SPEF2: variants seen among roughly 807,000 people sequenced by gnomAD.
SPEF2 encodes sperm flagella and cilia-associated protein 2.
SPEF2 carries 187 observed loss-of-function variants against 224.6 expected under a neutral mutation model. The ratio of observed to expected loss-of-function variants is 0.83; its 90% CI spans 0.74 to 0.94. The LOEUF is 0.94. Ranked by LOEUF, SPEF2 falls within the 40% of genes least tolerant of loss-of-function variation. The pLI, the probability that SPEF2 is intolerant of heterozygous loss-of-function variation, is 0.00. For synonymous variants in SPEF2, 715 were observed against 707.3 expected (o/e 1.01, Z -0.17); for missense variants, 2,170 against 2,135.6 (o/e 1.02, Z -0.32).
rs754952559 is a variant in SPEF2 at position 35,797,334 on chromosome 5, G to C, written c.4830+1539G>C. Among the ~76,000 whole-genome samples, 280 of 150,386 alleles carry C rather than the reference G, an allele frequency of 1.9e-3. 3 individuals carry two copies. Among genetic ancestry groups the C allele is most frequent in the African/African-American group, 2.6e-3 (108 of 41,248 alleles). ...GGCTGACGGGTGTGTGTGTGTGTGT[G>C]TGTGTGTGTGTGTGTGTGTGTGTGT... On this transcript the variant is annotated intron_variant, in intron 33 of 36. Transcript: ENST00000356031.
chr5:35,783,508 C>G (rs1435719261), intron 30 of SPEF2, among the ~76,000 whole-genome samples: 1 of 152,050 alleles, frequency 6.6e-6, no homozygotes, highest in Non-Finnish European at 1.5e-5. Flanking sequence ...GCCATTGTGA[C>G]TTGATTATAT....
At chr5:35,704,222 C>T (rs942394201) in intron 16 of SPEF2, among the ~76,000 whole-genome samples, 2 of 122,484 alleles carry the variant, frequency 1.6e-5, no homozygotes, top group Non-Finnish European at 3.6e-5. Context: ...TTAATTTTTA[C>T]ATCACTGTGT....
intron 29 of SPEF2, among the ~76,000 whole-genome samples, chr5:35,777,662 T>TATAA (rs1753779588): frequency 8.8e-6 from 1 of 113,614 alleles, no homozygotes; most frequent in African/African-American, 3.5e-5. Context: ...AGAAATGTGA[T>TATAA]ACAAATAAAT....
intron 8 of SPEF2, among the ~76,000 whole-genome samples, chr5:35,666,786 T>G (rs373716375): frequency 6.6e-6 from 1 of 152,190 alleles, no homozygotes; most frequent in Admixed American, 6.6e-5. Context: ...TTTTGAAGGC[T>G]TAAGATCCAA....
At chr5:35,680,210 G>T (rs1752593247) in intron 10 of SPEF2, among the ~76,000 whole-genome samples, 3 of 152,046 alleles carry the variant, frequency 2.0e-5, no homozygotes, top group South Asian at 4.2e-4. Context: ...AATGCTTTTT[G>T]CTGACAACAA....
intron 10 of SPEF2, among the ~76,000 whole-genome samples, chr5:35,673,963 G>C (rs1005044362): frequency 4.6e-5 from 7 of 152,126 alleles, no homozygotes; most frequent in African/African-American, 1.7e-4. Context: ...GACTAAATGA[G>C]CCATGGAGTT....
chr5:35,623,574 C>T (rs931085418), intron 1 of SPEF2, among the ~76,000 whole-genome samples: 1 of 152,162 alleles, frequency 6.6e-6, no homozygotes, highest in Non-Finnish European at 1.5e-5. Flanking sequence ...ATTTATTTCA[C>T]TGGATGTGTC....
intron 29 of SPEF2, among the ~76,000 whole-genome samples, chr5:35,778,314 A>C (rs376435602): frequency 5.3e-5 from 8 of 152,348 alleles, no homozygotes; most frequent in African/African-American, 1.9e-4. Context: ...TACCCCCAGT[A>C]CAGTTTAAAT....
intron 10 of SPEF2, among the ~76,000 whole-genome samples, chr5:35,685,175 G>C (rs1753411066): frequency 6.6e-6 from 1 of 151,986 alleles, no homozygotes; most frequent in African/African-American, 2.4e-5. Context: ...GTATAGAAGT[G>C]GCAGTCAAAT....
At chr5:35,738,414 T>C (rs1422184876) in intron 21 of SPEF2, among the ~76,000 whole-genome samples, 1 of 151,582 alleles carries the variant, frequency 6.6e-6, no homozygotes, top group African/African-American at 2.4e-5. Context: ...AGGGATCCAG[T>C]TTCAGCTTTC....
intron 2 of SPEF2, among the ~76,000 whole-genome samples, chr5:35,639,248 C>T (rs1746263109): frequency 6.6e-6 from 1 of 152,106 alleles, no homozygotes; most frequent in Non-Finnish European, 1.5e-5. Flanking sequence ...CGAGTCATTG[C>T]ATTCCCTAAT....
At chr5:35,688,919 G>C (rs533256785) in intron 10 of SPEF2, among the ~76,000 whole-genome samples, 88 of 152,184 alleles carry the variant, frequency 5.8e-4, no homozygotes, top group African/African-American at 1.9e-3. Flanking sequence ...TACATGATTT[G>C]TGCCAAATAT....
At chr5:35,796,834 A>G (rs1756738158) in intron 33 of SPEF2, among the ~76,000 whole-genome samples, 1 of 152,158 alleles carries the variant, frequency 6.6e-6, no homozygotes, top group Non-Finnish European at 1.5e-5. Flanking sequence ...CACCTCTGCT[A>G]GATGCTAGCA....
intron 10 of SPEF2, among the ~76,000 whole-genome samples, chr5:35,682,195 T>C (rs935384941): frequency 6.6e-6 from 1 of 152,154 alleles, no homozygotes; most frequent in Non-Finnish European, 1.5e-5. Context: ...TACAGTACAT[T>C]GGCTGCCCTC....
At chr5:35,695,049 A>C (rs1755096854) in intron 13 of SPEF2, among the ~76,000 whole-genome samples, 1 of 152,144 alleles carries the variant, frequency 6.6e-6, no homozygotes, top group Non-Finnish European at 1.5e-5. Context: ...TATTATTGCC[A>C]TTACCATTGA....
intron 21 of SPEF2, among the ~76,000 whole-genome samples, chr5:35,739,377 C>T (rs1747190034): frequency 6.6e-6 from 1 of 152,056 alleles, no homozygotes; most frequent in African/African-American, 2.4e-5. Context: ...GGTAGGATTT[C>T]TGGAATAAAC....
intron 3 of SPEF2, chr5:35,643,733 G>A: frequency 3.0e-6 from 1 of 335,490 alleles, no homozygotes; most frequent in Non-Finnish European, 5.9e-6. Flanking sequence ...TTATTAAACA[G>A]CATGCCTAGT....
At chr5:35,726,685 G>C (rs1388325502) in intron 20 of SPEF2, among the ~76,000 whole-genome samples, 6 of 152,104 alleles carry the variant, frequency 3.9e-5, no homozygotes, top group African/African-American at 1.2e-4. Flanking sequence ...GATATATTTT[G>C]GAGGAAGAAA....
At chr5:35,764,816 T>G in intron 26 of SPEF2, 1 of 431,020 alleles carries the variant, frequency 2.3e-6, no homozygotes. Flanking sequence ...TCCCTCTCTT[T>G]CTTTTGTTCT....
Sources: allele counts gnomAD v4.1 joint callset (sites outside exome capture counted in the v4.1 genomes callset), GRCh38; gene constraint gnomAD v4.1.1; transcripts MANE v1.5; gene names NCBI Gene and HGNC (gene_info 2026-07-23, HGNC 2026-07-21).